AMBRA1: variants seen among roughly 807,000 people sequenced by gnomAD.
The protein encoded by AMBRA1 is autophagy and beclin 1 regulator 1.
In AMBRA1, 47 loss-of-function variants were observed where a neutral mutation model predicts 125.4. That is an observed-to-expected ratio of 0.37 (90% CI 0.30 to 0.48). AMBRA1 has a LOEUF of 0.48. Among genes scored for constraint, AMBRA1 ranks in the 20% least tolerant of loss-of-function variants. The pLI is 0.99. For synonymous variants in AMBRA1, 626 were observed against 655.5 expected (o/e 0.95, Z 0.69); for missense variants, 1,331 against 1,693.4 (o/e 0.79, Z 3.76).
At chr11:46,496,189 C>A (rs1460436931) in intron 9 of AMBRA1, among the ~76,000 whole-genome samples, 3 of 151,654 alleles carry the variant, frequency 2.0e-5, no homozygotes, top group Non-Finnish European at 2.9e-5. Context: ...GCCTGGCCAA[C>A]GTGGTGAAAC....
At chr11:46,589,667 T>G (rs951768935) in intron 1 of AMBRA1, among the ~76,000 whole-genome samples, 1 of 152,088 alleles carries the variant, frequency 6.6e-6, no homozygotes, top group Non-Finnish European at 1.5e-5. Flanking sequence ...TCGCCCAGGC[T>G]GGAGTGCAGT....
chr11:46,540,754 C>T (rs960707970), intron 7 of AMBRA1, among the ~76,000 whole-genome samples: 1 of 152,206 alleles, frequency 6.6e-6, no homozygotes, highest in Non-Finnish European at 1.5e-5. Context: ...CATCCAATCT[C>T]GGTACCATAC....
chr11:46,397,186 CCCACTTGTTCCTCT>C lies in AMBRA1; in HGVS notation c.*250_*263del. On this transcript the variant is annotated 3_prime_UTR_variant, in exon 18 of 18. Transcript: ENST00000683756. ...GAAAGTGGGGTGCCTGGCAGAGATA[CCCACTTGTTCCTCT>C]ATTCACATTAAGCCCACAGTGTGGC... is the stretch of plus-strand genomic sequence containing the variant. 1 of 366,862 alleles carries C rather than the reference CCCACTTGTTCCTCT, an allele frequency of 2.7e-6. No homozygotes were observed. The highest frequency in any genetic ancestry group is 4.8e-6 in the Non-Finnish European group (1 of 208,630). The allele number at this position is 366,862 out of a possible 1,614,324, so 22.7% of individuals were successfully genotyped here. A position where few individuals can be genotyped will look rare whatever the true frequency, so the allele number is the denominator to read the frequency against.
In AMBRA1 at chr11:46,542,904, G is replaced by T; in HGVS notation, c.1113C>A (p.Phe371Leu). 2 of 1,612,404 alleles carry T rather than the reference G, an allele frequency of 1.2e-6. No homozygotes were observed. Residue 371 changes from phenylalanine to leucine, a missense_variant, in exon 7 of 18, where the codon TTC becomes TTA. Phe to Leu is a conservative substitution (Grantham distance 22, BLOSUM62 0). This residue lies in a region of AMBRA1 where 689 missense variants were observed against 776.5 expected (regional missense o/e 0.89). Transcript: ENST00000683756. The surrounding 1 kb of genome is among the most constrained non-coding windows in gnomAD (Gnocchi z 5.9). ...CGGCAGTGCTGCTCTGGACTGTACT[G>T]AAGGCAGACGGCCGGTTCAGGAGGC... ...DQGLLNRPSA[F>L]STVQSSTAGN... is the part of the protein sequence containing the mutation.
intron 11 of AMBRA1, among the ~76,000 whole-genome samples, chr11:46,484,594 AC>A (rs1343278535): frequency 1.3e-5 from 2 of 152,056 alleles, no homozygotes; most frequent in East Asian, 3.9e-4. Flanking sequence ...ATTCCCACTG[AC>A]AGTGTATACG....
At chr11:46,574,443 T>A (rs1014954936) in intron 1 of AMBRA1, among the ~76,000 whole-genome samples, 1 of 151,672 alleles carries the variant, frequency 6.6e-6, no homozygotes, top group African/African-American at 2.4e-5. Context: ...TTCATGTGTT[T>A]TTTGGCTGCA....
chr11:46,576,683 C>A (rs1320275377), intron 1 of AMBRA1, among the ~76,000 whole-genome samples: 1 of 152,164 alleles, frequency 6.6e-6, no homozygotes, highest in Non-Finnish European at 1.5e-5. Context: ...CTTGTCCTGT[C>A]CTCTATGGAA....
chr11:46,473,457 T>C lies in AMBRA1; in HGVS notation c.2521+20151A>G, dbSNP rs552134922. Among the ~76,000 whole-genome samples, 11 of 152,342 alleles carry C rather than the reference T, an allele frequency of 7.2e-5. 1 individual carries two copies. The South Asian group carries it at 8.3e-4, about 11-fold the overall frequency. On this transcript the variant is annotated intron_variant, in intron 11 of 17. Transcript: ENST00000683756. Reference sequence around the variant, plus strand: ...ACACATTTCTCTGATAGGATGAGTATTGTATTGACATCTTTGGATAAAGCC... The same window carrying C: ...ACACATTTCTCTGATAGGATGAGTACTGTATTGACATCTTTGGATAAAGCC...
At chr11:46,517,830 C>CA (rs202001744) in intron 7 of AMBRA1, among the ~76,000 whole-genome samples, 1,109 of 77,644 alleles carry the variant, frequency 0.014, 16 homozygotes, top group East Asian at 0.047. Context: ...GACTCTGTCT[C>CA]AAAAAAAAAA....
At chr11:46,408,470 T>C in intron 17 of AMBRA1, 43 bp downstream of exon 17, 2 of 1,468,960 alleles carry the variant, frequency 1.4e-6, no homozygotes, top group Non-Finnish European at 1.8e-6. Flanking sequence ...CACTCGGTCT[T>C]AGGGTCCCTC....
chr11:46,542,963 G>C lies in AMBRA1; in HGVS notation c.1054C>G (p.Pro352Ala), dbSNP rs753885370. 3.1e-6 allele frequency: 5 copies of C among 1,605,580 alleles called. No individual in the cohort carries two copies. The highest frequency in any genetic ancestry group is 4.2e-6 in the Non-Finnish European group (5 of 1,179,980). The change falls in exon 7 of 18, where the codon CCG becomes GCG. Residue 352 changes from proline to alanine, a missense_variant. This residue lies in a region of AMBRA1 where 689 missense variants were observed against 776.5 expected (regional missense o/e 0.89). Coordinates refer to ENST00000683756, the MANE Select transcript of AMBRA1 (RefSeq NM_001387011.1). This position sits in a 1 kb window ranked among gnomAD's most constrained non-coding sequence, Gnocchi z 5.9. ...SFVQTEPFHP[P>A]EQASSTQQDQ... ...TGCTGCGTTGACGAGGCCTGCTCCG[G>C]GGGATGGAAGGGCTCGGTCTGTACA...
intron 14 of AMBRA1, among the ~76,000 whole-genome samples, chr11:46,422,710 C>T (rs562038530): frequency 3.3e-5 from 5 of 151,832 alleles, no homozygotes; most frequent in Admixed American, 2.0e-4. Context: ...AAAACTCAGA[C>T]GAGTAGTTCA....
At chr11:46,464,990 G>A (rs1401014041) in intron 11 of AMBRA1, among the ~76,000 whole-genome samples, 1 of 152,086 alleles carries the variant, frequency 6.6e-6, no homozygotes, top group African/African-American at 2.4e-5. Context: ...GTTGCAGTGA[G>A]CTGCGATCGC....
chr11:46,585,831 G>C (rs1414300939), intron 1 of AMBRA1, among the ~76,000 whole-genome samples: 1 of 147,312 alleles, frequency 6.8e-6, no homozygotes, highest in Non-Finnish European at 1.5e-5. Flanking sequence ...TTGAGACGGA[G>C]TTTCGCTCTT....
intron 1 of AMBRA1, among the ~76,000 whole-genome samples, chr11:46,565,494 C>G (rs1429770816): frequency 6.6e-6 from 1 of 150,946 alleles, no homozygotes; most frequent in Non-Finnish European, 1.5e-5. Context: ...ATTGCTTGAG[C>G]CCAAGAGTTC....
At chr11:46,540,488 C>G (rs1004421098) in intron 7 of AMBRA1, among the ~76,000 whole-genome samples, 1 of 152,160 alleles carries the variant, frequency 6.6e-6, no homozygotes, top group Admixed American at 6.5e-5. Context: ...TAATCCAGAA[C>G]TGGTTTCAAG....
Position 46,541,997 on chromosome 11 carries a change from C to A in AMBRA1, c.2020G>T (p.Ala674Ser). 8 of 1,614,018 alleles carry A rather than the reference C, an allele frequency of 5.0e-6. No individual in the cohort carries two copies. Among genetic ancestry groups the A allele is most frequent in the Non-Finnish European group, 6.8e-6 (8 of 1,179,972 alleles). The change falls in exon 7 of 18, where the codon GCC becomes TCC. Residue 674 changes from alanine to serine, a missense_variant. By Grantham distance (99) the Ala-to-Ser change is moderately conservative. This residue lies in a region of AMBRA1 where 689 missense variants were observed against 776.5 expected (regional missense o/e 0.89). Transcript: ENST00000683756. The part of the protein sequence containing the change: ...SSRSGTVSQE[A>S]LHQDMPEESS... ...TCCTCAGGCATATCCTGATGTAAGG[C>A]CTCCTGTGACACAGTTCCAGATCTG...
intron 1 of AMBRA1, among the ~76,000 whole-genome samples, chr11:46,548,828 C>T (rs1197621641): frequency 1.3e-5 from 2 of 152,060 alleles, no homozygotes; most frequent in Admixed American, 6.6e-5. Context: ...CCCGTCTCTA[C>T]TAAAATACAA....
intron 11 of AMBRA1, among the ~76,000 whole-genome samples, chr11:46,452,822 G>A (rs1409355542): frequency 6.6e-6 from 1 of 152,162 alleles, no homozygotes; most frequent in African/African-American, 2.4e-5. Context: ...TCCATGCTTA[G>A]AAGTGTCCCA....
Sources: gnomAD v4.1 joint callset for allele counts (sites outside exome capture counted in the v4.1 genomes callset) on GRCh38, gnomAD v4.1.1 for gene constraint, gnomAD v4.1.1 regional missense constraint, Gnocchi (gnomAD v3.1) non-coding constraint, MANE v1.5 for transcripts, NCBI Gene and HGNC (gene_info 2026-07-23, HGNC 2026-07-21) for gene names.